Variants in EXD3 observed in about 807,000 individuals in gnomAD.
The protein encoded by EXD3 is exonuclease 3'-5' domain containing 3.
EXD3 carries 92 observed loss-of-function variants against 98.0 expected under a neutral mutation model. The observed-to-expected ratio is 0.94, with a 90% CI of 0.79 to 1.12. EXD3 has a LOEUF of 1.12. Ranked by LOEUF, EXD3 falls within the 50% of genes most tolerant of loss-of-function variation. EXD3 has a pLI of 0.00. For synonymous variants in EXD3, 569 were observed against 526.0 expected, an observed-to-expected ratio of 1.08 and a Z score of -1.12; for missense variants, 1,222 against 1,191.6, an observed-to-expected ratio of 1.03 and a Z score of -0.38.
chr9:137,355,451 GGAGGAA>G, intron 8 of EXD3, among the ~76,000 whole-genome samples: 1 of 132,478 alleles, frequency 7.5e-6, no homozygotes, highest in African/African-American at 3.1e-5. Context: ...AAGGGAGGAT[GGAGGAA>G]GGAGAAAGGA....
chr9:137,383,761 C>T (rs977440975), intron 2 of EXD3, among the ~76,000 whole-genome samples: 2 of 152,226 alleles, frequency 1.3e-5, no homozygotes, highest in Non-Finnish European at 2.9e-5. Context: ...AACCCTGCAC[C>T]GCAGTCCTGG....
intron 1 of EXD3, 23 bp downstream of exon 1, chr9:137,423,091 C>T (rs1366860860): frequency 6.6e-5 from 10 of 151,772 alleles, no homozygotes; most frequent in Admixed American, 6.6e-4. Context: ...CCCACCTGGC[C>T]CGCGCGGCCC....
At chr9:137,319,949 T>C (rs1407620389) in intron 19 of EXD3, among the ~76,000 whole-genome samples, 1 of 152,178 alleles carries the variant, frequency 6.6e-6, no homozygotes, top group Non-Finnish European at 1.5e-5. Context: ...CCCTCCCACC[T>C]GGGCTCCGAC....
Position 137,393,053 on chromosome 9 carries a change from G to A in EXD3, c.55+2250C>T. 2 of 652,946 alleles carry A rather than the reference G, an allele frequency of 3.1e-6. No homozygotes were observed. Among genetic ancestry groups the A allele is most frequent in the South Asian group, 1.6e-5 (1 of 62,664 alleles). The allele number at this position is 652,946 out of a possible 1,614,324, so 40.4% of individuals were successfully genotyped here. A position where few individuals can be genotyped will look rare whatever the true frequency, so the allele number is the denominator to read the frequency against. ...GGCCATTAGTGTTCCAGGGGGTGCT[G>A]AGGCTGTTCCAGGGGGCACCGAGGC... On this transcript the variant is annotated intron_variant, in intron 2 of 21. Transcript: ENST00000340951. This position sits in a 1 kb window ranked among gnomAD's most constrained non-coding sequence, Gnocchi z 4.6.
intron 1 of EXD3, among the ~76,000 whole-genome samples, chr9:137,411,457 C>T (rs896291541): frequency 2.0e-5 from 3 of 151,908 alleles, no homozygotes; most frequent in East Asian, 1.9e-4. Context: ...GCGGGACCGG[C>T]GGGACCAACA....
chr9:137,411,585 G>A (rs1409841553), intron 1 of EXD3, among the ~76,000 whole-genome samples: 1 of 151,892 alleles, frequency 6.6e-6, no homozygotes, highest in African/African-American at 2.4e-5. Flanking sequence ...GTTGCTGGCA[G>A]AGGCTCAGAG....
At chr9:137,388,343 C>T (rs1040855383) in intron 2 of EXD3, among the ~76,000 whole-genome samples, 44 of 152,052 alleles carry the variant, frequency 2.9e-4, no homozygotes, top group African/African-American at 9.7e-4. Context: ...GACACCCCCG[C>T]GCCGGCCGAC....
At chr9:137,353,008 A>AC in intron 10 of EXD3, 1 of 1,370,536 alleles carries the variant, frequency 7.3e-7, no homozygotes, top group Non-Finnish European at 9.4e-7. Flanking sequence ...AAGGCTGTCC[A>AC]CCCCAGTGTA....
intron 19 of EXD3, among the ~76,000 whole-genome samples, chr9:137,322,354 C>T (rs1832075623): frequency 6.6e-6 from 1 of 151,358 alleles, no homozygotes; most frequent in African/African-American, 2.4e-5. Flanking sequence ...CAGGGATTCT[C>T]TGCCGACACC....
intron 17 of EXD3, among the ~76,000 whole-genome samples, chr9:137,328,811 A>G (rs1198215484): frequency 3.2e-5 from 1 of 31,504 alleles, no homozygotes; most frequent in Non-Finnish European, 5.5e-5. Flanking sequence ...GCTACACGGG[A>G]CTACACAGGG....
chr9:137,413,329 T>C (rs903042429), intron 1 of EXD3, among the ~76,000 whole-genome samples: 10 of 151,812 alleles, frequency 6.6e-5, no homozygotes, highest in Non-Finnish European at 1.3e-4. Context: ...GCCTCCCGAG[T>C]AGCTGGGACT....
chr9:137,353,055 G>A, intron 10 of EXD3: 1 of 1,293,178 alleles, frequency 7.7e-7, no homozygotes, highest in Non-Finnish European at 9.8e-7. Context: ...AGCCTGAGGT[G>A]AAGGCTGCCC....
chr9:137,392,267 T>C (rs1836959325), intron 2 of EXD3: 1 of 152,648 alleles, frequency 6.6e-6, no homozygotes, highest in South Asian at 2.1e-4. Flanking sequence ...CCTGTCCCGA[T>C]GATGCCTCCT....
intron 14 of EXD3, 76 bp downstream of exon 14, chr9:137,350,962 G>C: frequency 8.4e-7 from 1 of 1,193,462 alleles, no homozygotes; most frequent in African/African-American, 1.5e-5. Context: ...CCGCTGGGAA[G>C]GTGTGGAGGG....
chr9:137,325,498 T>A (rs746308969), intron 17 of EXD3, among the ~76,000 whole-genome samples: 22 of 152,208 alleles, frequency 1.4e-4, no homozygotes, highest in Non-Finnish European at 3.1e-4. Flanking sequence ...AGTGGCACAA[T>A]CTCGGCTCAC....
Position 137,385,174 on chromosome 9 carries a change from G to A in EXD3, c.56-1797C>T, listed in dbSNP as rs1372871185. On this transcript the variant is annotated intron_variant, in intron 2 of 21. Transcript: ENST00000340951. The surrounding 1 kb of genome is among the most constrained non-coding windows in gnomAD (Gnocchi z 4.4). ...CTCTGCAGCCACCTGGGCCTGGGTG[G>A]CACAGGCCAGTGTTCCCGTCTGCGC... Among the ~76,000 whole-genome samples, 5 of 152,220 alleles carry A rather than the reference G, an allele frequency of 3.3e-5. No individual in the cohort carries two copies. The highest frequency in any genetic ancestry group is 1.2e-4 in the African/African-American group (5 of 41,470).
At chr9:137,417,379 TC>T (rs1437563324) in intron 1 of EXD3, among the ~76,000 whole-genome samples, 1 of 151,998 alleles carries the variant, frequency 6.6e-6, no homozygotes, top group Non-Finnish European at 1.5e-5. Flanking sequence ...GCCAGACGGG[TC>T]CACGGGTGAG....
chr9:137,323,578 G>A (rs1288002565), intron 19 of EXD3, 147 bp downstream of exon 19: 4 of 1,142,976 alleles, frequency 3.5e-6, no homozygotes, highest in Admixed American at 2.4e-5. Context: ...ATGCTCTGCC[G>A]ACACCTCACC....
intron 17 of EXD3, among the ~76,000 whole-genome samples, chr9:137,336,310 G>A (rs886140949): frequency 3.3e-5 from 5 of 152,024 alleles, no homozygotes; most frequent in Non-Finnish European, 4.4e-5. Context: ...AACATAAATC[G>A]ATGTAAGATC....
Sources: allele counts gnomAD v4.1 joint callset (sites outside exome capture counted in the v4.1 genomes callset), GRCh38; gene constraint gnomAD v4.1.1; non-coding constraint Gnocchi (gnomAD v3.1); transcripts MANE v1.5; gene names NCBI Gene and HGNC (gene_info 2026-07-23, HGNC 2026-07-21).